CRPPA: variants seen among roughly 807,000 people sequenced by gnomAD.
CRPPA encodes the protein CDP-L-ribitol pyrophosphorylase A.
Under a neutral mutation model 52.0 loss-of-function variants are expected in CRPPA, and 43 were observed. That is an observed-to-expected ratio of 0.83 (90% CI 0.65 to 1.07). CRPPA has a LOEUF of 1.07. Ranked by LOEUF, CRPPA falls within the 50% of genes least tolerant of loss-of-function variation. The probability of loss-of-function intolerance (pLI) is 0.00; values close to 1 mark genes in which losing one functional copy is unlikely to be tolerated. For synonymous variants in CRPPA, 250 were observed against 203.5 expected, an observed-to-expected ratio of 1.23 and a Z score of -1.94; for missense variants, 629 against 551.7, an observed-to-expected ratio of 1.14 and a Z score of -1.40.
At position 16,170,999 on chromosome 7, in the gene CRPPA, C is replaced by G. The variant is rs771646836; in HGVS notation, c.1251+45067G>C. On this transcript the variant is annotated intron_variant, in intron 9 of 9. Transcript: ENST00000407010. Reference sequence around the variant, plus strand: ...AGAGGGAAGCCGGCTCCAGCCTTAGCCAGCCCAGAGAGGGGCTCCCACAGT... The same window carrying G: ...AGAGGGAAGCCGGCTCCAGCCTTAGGCAGCCCAGAGAGGGGCTCCCACAGT... 7.4e-4 allele frequency among the ~76,000 whole-genome samples: 113 copies of G among 152,340 alleles called. 1 individual carries two copies. Among genetic ancestry groups the G allele is most frequent in the Admixed American group, 1.4e-3 (22 of 15,306 alleles).
At chr7:16,176,982 A>G (rs973374934) in intron 9 of CRPPA, among the ~76,000 whole-genome samples, 5 of 152,170 alleles carry the variant, frequency 3.3e-5, no homozygotes, top group African/African-American at 1.2e-4. Flanking sequence ...AGAAAAACCT[A>G]TTGATATACG....
intron 3 of CRPPA, among the ~76,000 whole-genome samples, chr7:16,373,765 A>T (rs978409995): frequency 2.6e-5 from 4 of 152,202 alleles, no homozygotes; most frequent in Admixed American, 6.5e-5. Flanking sequence ...GCATGGCTAG[A>T]GCATATATAA....
intron 2 of CRPPA, among the ~76,000 whole-genome samples, chr7:16,389,188 C>T (rs1452718933): frequency 6.6e-6 from 1 of 152,144 alleles, no homozygotes; most frequent in Non-Finnish European, 1.5e-5. Flanking sequence ...ATTTAAAGAA[C>T]AGTTAATACT....
At chr7:16,206,094 A>G (rs1296182224) in intron 9 of CRPPA, among the ~76,000 whole-genome samples, 1 of 152,164 alleles carries the variant, frequency 6.6e-6, no homozygotes, top group African/African-American at 2.4e-5. Flanking sequence ...TGTATTCTAA[A>G]ACCACAAATG....
chr7:16,256,630 A>G (rs1258868888), intron 8 of CRPPA, among the ~76,000 whole-genome samples: 1 of 152,058 alleles, frequency 6.6e-6, no homozygotes, highest in South Asian at 2.1e-4. Flanking sequence ...AGATGAAACT[A>G]GAAACCATCA....
intron 9 of CRPPA, among the ~76,000 whole-genome samples, chr7:16,121,217 T>C (rs138511282): frequency 2.2e-4 from 34 of 152,224 alleles, no homozygotes; most frequent in African/African-American, 7.9e-4. Flanking sequence ...AAACATGCTT[T>C]TAAATGATTA....
intron 9 of CRPPA, among the ~76,000 whole-genome samples, chr7:16,205,192 G>T (rs1190978290): frequency 1.3e-5 from 2 of 152,118 alleles, no homozygotes; most frequent in African/African-American, 2.4e-5. Context: ...AACCTCACAG[G>T]CCTGAGGAGA....
At chr7:16,270,110 G>T (rs1784057586) in intron 6 of CRPPA, 1 of 152,102 alleles carries the variant, frequency 6.6e-6, no homozygotes, top group Non-Finnish European at 1.5e-5. Flanking sequence ...AAAATTTCCT[G>T]AGTTAAAGGC....
chr7:16,130,861 G>C (rs1356752238), intron 9 of CRPPA, among the ~76,000 whole-genome samples: 1 of 152,096 alleles, frequency 6.6e-6, no homozygotes, highest in Admixed American at 6.5e-5. Context: ...CCTTTGGGGG[G>C]TGATTAGGTC....
At chr7:16,320,375 A>G (rs1415164036) in intron 3 of CRPPA, among the ~76,000 whole-genome samples, 2 of 152,162 alleles carry the variant, frequency 1.3e-5, no homozygotes, top group Admixed American at 1.3e-4. Flanking sequence ...AAAACTTCTG[A>G]AAAAATAATG....
chr7:16,376,563 C>T (rs970412954), intron 2 of CRPPA, among the ~76,000 whole-genome samples: 3 of 151,410 alleles, frequency 2.0e-5, no homozygotes, highest in African/African-American at 7.4e-5. Context: ...ATGAAGGAGG[C>T]AGAGAAAGAC....
chr7:16,204,516 G>A (rs998999595), intron 9 of CRPPA, among the ~76,000 whole-genome samples: 2 of 151,940 alleles, frequency 1.3e-5, no homozygotes, highest in African/African-American at 2.4e-5. Context: ...CGACATAATG[G>A]GCAGAATGTA....
intron 1 of CRPPA, among the ~76,000 whole-genome samples, chr7:16,414,920 A>G (rs1435747459): frequency 6.6e-6 from 1 of 152,150 alleles, no homozygotes; most frequent in Non-Finnish European, 1.5e-5. Context: ...GAGTATATTA[A>G]CCTATACACA....
intron 1 of CRPPA, among the ~76,000 whole-genome samples, chr7:16,420,759 G>A (rs1384949023): frequency 6.6e-6 from 1 of 152,110 alleles, no homozygotes; most frequent in Admixed American, 6.5e-5. Flanking sequence ...CCCACAGCTA[G>A]AACCCCAAAT....
At chr7:16,412,824 A>T (rs181290903) in intron 1 of CRPPA, among the ~76,000 whole-genome samples, 27 of 152,322 alleles carry the variant, frequency 1.8e-4, no homozygotes, top group African/African-American at 6.5e-4. Context: ...GCAAATAGGA[A>T]CCTAGCCTTA....
chr7:16,285,988 C>T (rs1374151848), intron 5 of CRPPA, among the ~76,000 whole-genome samples: 1 of 112,348 alleles, frequency 8.9e-6, no homozygotes, highest in Non-Finnish European at 1.8e-5. Context: ...CCACTGCACT[C>T]CAGCTTAGGC....
intron 6 of CRPPA, chr7:16,261,875 T>A (rs1434376161): frequency 6.6e-6 from 1 of 152,120 alleles, no homozygotes; most frequent in East Asian, 1.9e-4. Flanking sequence ...ATTTGAGGTT[T>A]TTTTCTTTTA....
chr7:16,330,788 T>C (rs1265262180), intron 3 of CRPPA, among the ~76,000 whole-genome samples: 1 of 152,130 alleles, frequency 6.6e-6, no homozygotes, highest in Non-Finnish European at 1.5e-5. Context: ...TAGCAAGGTC[T>C]ACCCTGAGGA....
At chr7:16,302,071 C>T (rs923012590) in intron 4 of CRPPA, among the ~76,000 whole-genome samples, 2 of 152,038 alleles carry the variant, frequency 1.3e-5, no homozygotes, top group African/African-American at 2.4e-5. Context: ...CCAAGGCAGG[C>T]GGATCACGAG....
Sources: allele counts gnomAD v4.1 joint callset (sites outside exome capture counted in the v4.1 genomes callset), GRCh38; gene constraint gnomAD v4.1.1; transcripts MANE v1.5; gene names NCBI Gene and HGNC (gene_info 2026-07-23, HGNC 2026-07-21).